Variants in GTF2H1 observed in about 807,000 individuals in gnomAD.
GTF2H1 encodes the protein BTF2 p62.
Under a neutral mutation model 71.2 loss-of-function variants are expected in GTF2H1, and 16 were observed. That is an observed-to-expected ratio of 0.22 (90% CI 0.15 to 0.34). GTF2H1 has a LOEUF of 0.34. GTF2H1 is among the 10% of genes least tolerant of loss of function. The probability of loss-of-function intolerance (pLI) is 1.00; values close to 1 mark genes in which losing one functional copy is unlikely to be tolerated. For synonymous variants in GTF2H1, 215 were observed against 219.0 expected (o/e 0.98, Z 0.16); for missense variants, 498 against 648.2 (o/e 0.77, Z 2.52).
chr11:18,333,408 A>G (rs1043597103), intron 2 of GTF2H1, 180 bp downstream of exon 2: 1 of 469,140 alleles, frequency 2.1e-6, no homozygotes, highest in Non-Finnish European at 3.7e-6. Context: ...ATAACAGAAC[A>G]GGTACAGGTT....
chr11:18,354,453 A>G (rs998909397), intron 11 of GTF2H1, among the ~76,000 whole-genome samples: 1 of 152,216 alleles, frequency 6.6e-6, no homozygotes, highest in African/African-American at 2.4e-5. Flanking sequence ...ATCTTTAGAG[A>G]CAGGGTCTTG....
intron 11 of GTF2H1, among the ~76,000 whole-genome samples, chr11:18,355,364 C>T (rs1463846222): frequency 2.0e-5 from 3 of 151,244 alleles, no homozygotes; most frequent in African/African-American, 4.9e-5. Context: ...AGGATGGTCT[C>T]GATCTCCTGA....
rs1347891303 is a variant in GTF2H1 at position 18,335,821 on chromosome 11, A to G, written c.222A>G (p.Thr74=). ...AGCTGGTCCTACATGCAGGGGACAC[A>G]ACTAACTTCCATTTTTCCAATGAAA... The part of the protein sequence containing the change: ...QLQLVLHAGD[T]TNFHFSNEST... Residue 74 remains threonine, a synonymous_variant, in exon 3 of 15, where the codon ACA becomes ACG. Coordinates refer to ENST00000265963, the MANE Select transcript of GTF2H1 (RefSeq NM_005316.4). 6.2e-7 allele frequency: 1 copy of G among 1,614,096 alleles called. No homozygotes were observed. The highest frequency in any genetic ancestry group is 8.5e-7 in the Non-Finnish European group (1 of 1,179,918).
intron 1 of GTF2H1, among the ~76,000 whole-genome samples, chr11:18,330,467 T>G (rs147171510): frequency 1.3e-5 from 2 of 152,202 alleles, no homozygotes; most frequent in African/African-American, 4.8e-5. Flanking sequence ...TGTACTTTTG[T>G]TGAAGAGGGC....
intron 14 of GTF2H1, among the ~76,000 whole-genome samples, chr11:18,361,499 T>A (rs747852739): frequency 6.6e-6 from 1 of 152,110 alleles, no homozygotes; most frequent in Non-Finnish European, 1.5e-5. Flanking sequence ...CGAAACCCTG[T>A]CTCTACTAAA....
rs187224308 is a variant in GTF2H1 at position 18,361,609 on chromosome 11, C to T, written c.1560+902C>T. On this transcript the variant is annotated intron_variant, in intron 14 of 14. Coordinates refer to ENST00000265963, the MANE Select transcript of GTF2H1 (RefSeq NM_005316.4). Reference sequence around the variant, plus strand: ...GCTTGAACCTGGGAGACAGGGGTTGCGGTGAGCCGAGGTCATGCCACCGCA... The same window carrying T: ...GCTTGAACCTGGGAGACAGGGGTTGTGGTGAGCCGAGGTCATGCCACCGCA... 2.6e-5 allele frequency among the ~76,000 whole-genome samples: 4 copies of T among 152,242 alleles called. No homozygotes were observed. The East Asian group carries it at 5.8e-4, about 22-fold the overall frequency.
At position 18,348,037 on chromosome 11, in the gene GTF2H1, G is replaced by A. The variant is rs1590192701; in HGVS notation, c.1053+118G>A. On this transcript the variant is annotated intron_variant, in intron 9 of 14. Transcript: ENST00000265963. The stretch of plus-strand genomic sequence containing the variant: ...TCAGTTCTTCTAACTAAGATGTTAA[G>A]CATTTGGCTTAAAGTGTATAGCATT... The A allele has an allele frequency of 2.8e-5, 22 of 774,762 alleles. No homozygotes were observed. The East Asian group carries it at 5.8e-4, about 21-fold the overall frequency. The allele number at this position is 774,762 out of a possible 1,614,324, so 48.0% of individuals were successfully genotyped here.
chr11:18,358,468 C>A, intron 12 of GTF2H1, 57 bp from the exon 13 acceptor site: 1 of 948,750 alleles, frequency 1.1e-6, no homozygotes, highest in Non-Finnish European at 1.7e-6. Flanking sequence ...TCATTTTTTT[C>A]GAGACTGTAT....
chr11:18,345,314 A>G (rs1203423743), intron 7 of GTF2H1, among the ~76,000 whole-genome samples: 1 of 152,144 alleles, frequency 6.6e-6, no homozygotes, highest in African/African-American at 2.4e-5. Flanking sequence ...TTATTCAATG[A>G]CATTTTCCAC....
rs61651196 is a variant in GTF2H1, at chr11:18,331,218, G to C, written c.-15-1842G>C. On this transcript the variant is annotated intron_variant, in intron 1 of 14. Transcript: ENST00000265963. ...ACTGCAGGAGCACATCCTTTTGCCCGGCTAATTTTTGTATTTTTTGTGGGA... is the reference window on the plus strand; with the variant it reads ...ACTGCAGGAGCACATCCTTTTGCCCCGCTAATTTTTGTATTTTTTGTGGGA... Among the ~76,000 whole-genome samples, 268 of 152,130 alleles carry C rather than the reference G, an allele frequency of 1.8e-3. 1 individual carries two copies. The highest frequency in any genetic ancestry group is 6.0e-3 in the African/African-American group (249 of 41,536).
chr11:18,341,811 G>A, intron 7 of GTF2H1: 2 of 429,550 alleles, frequency 4.7e-6, no homozygotes, highest in Admixed American at 8.3e-5. Flanking sequence ...TGTGTGAGTT[G>A]CTAAAACCTT....
chr11:18,332,823 GC>G (rs1331000462), intron 1 of GTF2H1: 4 of 320,694 alleles, frequency 1.2e-5, no homozygotes, highest in Non-Finnish European at 1.1e-5. Flanking sequence ...ATACTCATTA[GC>G]ATATAAGTAT....
chr11:18,341,588 A>G lies in GTF2H1; in HGVS notation c.818A>G (p.Glu273Gly), dbSNP rs1390599093. The change falls in exon 7 of 15, where the codon GAA (glutamate) becomes GGA (glycine). Residue 273 changes from glutamate (E) to glycine (G), a missense_variant. Glu to Gly is a moderately conservative substitution (Grantham distance 98). Transcript: ENST00000265963. ...KNPLLDLTAL[E>G]DKPLDEGYGI... ...CCACTACTAGATTTAACAGCTTTGG[A>G]AGATAAACCATTAGATGAGGTAAGA... 1 of 1,605,006 alleles carries G rather than the reference A, an allele frequency of 6.2e-7. No homozygotes were observed. The highest frequency in any genetic ancestry group is 8.5e-7 in the Non-Finnish European group (1 of 1,173,034).
Position 18,365,824 on chromosome 11 carries a change from C to G in GTF2H1, c.1602C>G (p.Asn534Lys), listed in dbSNP as rs771366402. ...HIEEMLQTAYNKLHTWQSRRL... is the reference protein window; with the variant it reads ...HIEEMLQTAYKKLHTWQSRRL... ...AAGAGATGCTCCAGACAGCCTACAA[C>G]AAGCTCCACACATGGCAGTCACGGC... The change falls in exon 15 of 15, where the codon AAC becomes AAG. Residue 534 changes from asparagine to lysine, a missense_variant. By Grantham distance (94) the Asn-to-Lys change is moderately conservative (BLOSUM62 0). This residue lies in a region of GTF2H1 where 266 missense variants were observed against 301.6 expected (regional missense o/e 0.88). Transcript: ENST00000265963. 6.2e-7 allele frequency: 1 copy of G among 1,613,894 alleles called. No homozygotes were observed. Among genetic ancestry groups the G allele is most frequent in the Non-Finnish European group, 8.5e-7 (1 of 1,179,802 alleles).
rs1004886491 is a variant in GTF2H1, at chr11:18,347,840, A to G, written c.974A>G (p.Gln325Arg). 1 of 1,604,808 alleles carries G rather than the reference A, an allele frequency of 6.2e-7. No individual in the cohort carries two copies. The highest frequency in any genetic ancestry group is 8.5e-7 in the Non-Finnish European group (1 of 1,176,650). ...TTCCCCTTTATTTTAAGAGAAGCAC[A>G]AAATGAACAAACTAGTGAGCCCAGC... Reference protein sequence around the residue: ...LAAGLRKQEAQNEQTSEPSNM... With the variant: ...LAAGLRKQEARNEQTSEPSNM... The change falls in exon 9 of 15, where the codon CAA becomes CGA. Residue 325 changes from glutamine (Q) to arginine (R), a missense_variant. Around this residue, in one of 3 missense-constraint regions of GTF2H1, gnomAD observed 266 missense variants for 301.6 expected, o/e 0.88. Coordinates refer to ENST00000265963, the MANE Select transcript of GTF2H1 (RefSeq NM_005316.4).
intron 7 of GTF2H1, among the ~76,000 whole-genome samples, chr11:18,342,797 G>A (rs1345569555): frequency 6.6e-6 from 1 of 152,004 alleles, no homozygotes; most frequent in African/African-American, 2.4e-5. Flanking sequence ...TTTATCTTCT[G>A]TTTAGTATCA....
chr11:18,360,842 G>A, intron 14 of GTF2H1, 135 bp downstream of exon 14: 1 of 559,916 alleles, frequency 1.8e-6, no homozygotes, highest in Non-Finnish European at 3.1e-6. Flanking sequence ...GTCTCACTCT[G>A]TCGCCCAGGC....
At chr11:18,338,584 G>A (rs4150588) in intron 4 of GTF2H1, among the ~76,000 whole-genome samples, 102,797 of 151,856 alleles carry the variant, frequency 0.68, 35,292 homozygotes, top group East Asian at 0.96. Context: ...GCTGGGACTA[G>A]AGGTGTGCAC....
In GTF2H1 at chr11:18,343,217, C is replaced by T. The variant is rs908699398; in HGVS notation, c.837+1610C>T. ...GATTACAGATGTGAGCCACTGTGCC[C>T]GGCCCAAGCCCAGTTTTTTTGTTTT... is the stretch of plus-strand genomic sequence containing the variant. On this transcript the variant is annotated intron_variant, in intron 7 of 14. Transcript: ENST00000265963. 1.1e-4 allele frequency among the ~76,000 whole-genome samples: 17 copies of T among 152,306 alleles called. 1 individual carries two copies. The highest frequency in any genetic ancestry group is 3.4e-3 in the Middle Eastern group (1 of 294).
Sources: allele counts gnomAD v4.1 joint callset (sites outside exome capture counted in the v4.1 genomes callset), GRCh38; gene constraint gnomAD v4.1.1; regional missense constraint gnomAD v4.1.1; transcripts MANE v1.5; gene names NCBI Gene and HGNC (gene_info 2026-07-23, HGNC 2026-07-21).